LRBA: variants seen among roughly 807,000 people sequenced by gnomAD.
LRBA encodes lipopolysaccharide-responsive and beige-like anchor protein.
In LRBA, 176 loss-of-function variants were observed where a neutral mutation model predicts 330.0. That is an observed-to-expected ratio of 0.53 (90% CI 0.47 to 0.60). The LOEUF (loss-of-function observed/expected upper bound fraction) is 0.60. Among genes scored for constraint, LRBA ranks in the 20% least tolerant of loss-of-function variants. LRBA has a pLI of 0.00. For synonymous variants in LRBA, 1,230 were observed against 1,193.0 expected, an observed-to-expected ratio of 1.03 and a Z score of -0.64; for missense variants, 3,259 against 3,444.8, an observed-to-expected ratio of 0.95 and a Z score of 1.35.
At chr4:150,682,530 A>T (rs72959842) in intron 37 of LRBA, among the ~76,000 whole-genome samples, 9,297 of 152,254 alleles carry the variant, frequency 0.061, 874 homozygotes, top group African/African-American at 0.21. Flanking sequence ...CTTTGTAATA[A>T]ATATCACACG....
At chr4:150,408,363 C>A (rs751353520) in intron 47 of LRBA, among the ~76,000 whole-genome samples, 1 of 151,870 alleles carries the variant, frequency 6.6e-6, no homozygotes, top group East Asian at 1.9e-4. Flanking sequence ...TCTTGATAGA[C>A]CTATAAAAAC....
intron 34 of LRBA, among the ~76,000 whole-genome samples, chr4:150,778,556 T>C (rs1737738282): frequency 6.6e-6 from 1 of 152,138 alleles, no homozygotes; most frequent in Non-Finnish European, 1.5e-5. Context: ...GTAAAACATA[T>C]CTCCAGACAA....
intron 34 of LRBA, among the ~76,000 whole-genome samples, chr4:150,782,111 T>G (rs191429248): frequency 3.0e-4 from 46 of 152,238 alleles, no homozygotes; most frequent in Non-Finnish European, 6.2e-4. Context: ...TTTACCATGT[T>G]GCCCAGGCTG....
intron 37 of LRBA, among the ~76,000 whole-genome samples, chr4:150,642,193 C>T (rs984882300): frequency 6.6e-6 from 1 of 151,886 alleles, no homozygotes; most frequent in African/African-American, 2.4e-5. Context: ...CACAAGAATA[C>T]ATTCATATGT....
At chr4:150,967,340 CCCTATA>C (rs1402287608) in intron 2 of LRBA, among the ~76,000 whole-genome samples, 10 of 152,194 alleles carry the variant, frequency 6.6e-5, no homozygotes, top group Admixed American at 6.5e-4. Flanking sequence ...CCCATGTTGT[CCCTATA>C]CAATCCAGTC....
chr4:150,271,062 C>G (rs1032745818), intron 56 of LRBA, among the ~76,000 whole-genome samples: 1 of 152,096 alleles, frequency 6.6e-6, no homozygotes, highest in African/African-American at 2.4e-5. Context: ...GAGGGCAAGC[C>G]GAAGCAGGGT....
intron 37 of LRBA, among the ~76,000 whole-genome samples, chr4:150,625,945 G>T (rs1776813305): frequency 6.6e-6 from 1 of 151,626 alleles, no homozygotes; most frequent in African/African-American, 2.4e-5. Context: ...CCTGACCTCA[G>T]CCCCCCAAAG....
chr4:150,455,996 A>T (rs965806977), intron 44 of LRBA, among the ~76,000 whole-genome samples: 2 of 152,196 alleles, frequency 1.3e-5, no homozygotes, highest in African/African-American at 2.4e-5. Flanking sequence ...TGCAAATAAC[A>T]GTATCTCATT....
At position 150,265,538 on chromosome 4, in the gene LRBA, C is replaced by T. The variant is rs571910013; in HGVS notation, c.*184G>A. ...ACTACAGAACCCAGCAGCCAGTTTTCTGCTTTGCTAATCCCCCCCAAAAAA... is the reference window on the plus strand; with the variant it reads ...ACTACAGAACCCAGCAGCCAGTTTTTTGCTTTGCTAATCCCCCCCAAAAAA... On this transcript the variant is annotated 3_prime_UTR_variant, in exon 57 of 57. Transcript: ENST00000651943. 17 of 520,124 alleles carry T rather than the reference C, an allele frequency of 3.3e-5. No homozygotes were observed. In the East Asian group the frequency reaches 5.4e-4, roughly 16 times the overall value. 32.2% of individuals were successfully genotyped at this position (520,124 alleles called of 1,614,324 possible).
At chr4:150,863,466 A>G (rs1422965226) in intron 22 of LRBA, among the ~76,000 whole-genome samples, 2 of 152,168 alleles carry the variant, frequency 1.3e-5, no homozygotes, top group Non-Finnish European at 2.9e-5. Flanking sequence ...GTTCGAGACC[A>G]GCCTGGCCAA....
intron 22 of LRBA, among the ~76,000 whole-genome samples, chr4:150,867,090 C>A (rs1752802176): frequency 2.3e-5 from 3 of 131,076 alleles, no homozygotes; most frequent in South Asian, 2.6e-4. Context: ...ATATAAATAA[C>A]TAAACTTACT....
chr4:150,588,980 T>G lies in LRBA; in HGVS notation c.6194-796A>C, dbSNP rs1772460077. ...AGAACAGCATAATGTGTATTAGAGC[T>G]AAATATAAAATATGAACTAAAAATG... On this transcript the variant is annotated intron_variant, in intron 39 of 56. Transcript: ENST00000651943. Among the ~76,000 whole-genome samples, 4 of 151,700 alleles carry G rather than the reference T, an allele frequency of 2.6e-5. No individual in the cohort carries two copies. In the South Asian group the frequency reaches 8.3e-4, roughly 32 times the overall value.
chr4:150,330,339 A>G (rs1479155685), intron 48 of LRBA, among the ~76,000 whole-genome samples: 1 of 152,152 alleles, frequency 6.6e-6, no homozygotes, highest in Non-Finnish European at 1.5e-5. Flanking sequence ...AATCTTGTTA[A>G]ATAATATTAC....
At chr4:150,564,762 G>A (rs892672888) in intron 40 of LRBA, among the ~76,000 whole-genome samples, 1 of 152,148 alleles carries the variant, frequency 6.6e-6, no homozygotes, top group African/African-American at 2.4e-5. Context: ...TATGTATGTG[G>A]CTAACAAACA....
intron 28 of LRBA, among the ~76,000 whole-genome samples, chr4:150,834,549 G>A (rs1432630605): frequency 6.6e-6 from 1 of 152,138 alleles, no homozygotes; most frequent in Admixed American, 6.6e-5. Context: ...TCTCACTAGT[G>A]GCCTTAAAAC....
chr4:150,322,995 C>CTG (rs577818605), intron 49 of LRBA, among the ~76,000 whole-genome samples: 369 of 23,892 alleles, frequency 0.015, 9 homozygotes, highest in East Asian at 0.086. Flanking sequence ...GTGTGTGTCT[C>CTG]TGTGTGTGTG....
chr4:150,844,216 G>A lies in LRBA; in HGVS notation c.4462-9C>T. 2.8e-6 allele frequency: 4 copies of A among 1,437,254 alleles called. No individual in the cohort carries two copies. Among genetic ancestry groups the A allele is most frequent in the South Asian group, 1.3e-5 (1 of 78,930 alleles). 89.0% of individuals were successfully genotyped at this position (1,437,254 alleles called of 1,614,324 possible). ...ACAATGTCCACTGGGCTCTATTTAA[G>A]ATTAAAAAAAAATTGTATATATATA... On this transcript the variant is annotated splice_polypyrimidine_tract_variant and intron_variant, in intron 27 of 56. Coordinates refer to ENST00000651943, the MANE Select transcript of LRBA (RefSeq NM_001364905.1).
At chr4:150,954,009 C>A (rs1737205975) in intron 2 of LRBA, among the ~76,000 whole-genome samples, 2 of 138,334 alleles carry the variant, frequency 1.4e-5, no homozygotes, top group Non-Finnish European at 3.2e-5. Context: ...CTCTGACCGG[C>A]CACCCCGTCT....
intron 34 of LRBA, among the ~76,000 whole-genome samples, chr4:150,784,133 G>A (rs180939965): frequency 1.3e-5 from 2 of 152,262 alleles, no homozygotes; most frequent in Admixed American, 6.5e-5. Context: ...TATATCCAAG[G>A]TGATTTGATA....
Sources: allele counts gnomAD v4.1 joint callset (sites outside exome capture counted in the v4.1 genomes callset), GRCh38; gene constraint gnomAD v4.1.1; transcripts MANE v1.5; gene names NCBI Gene and HGNC (gene_info 2026-07-23, HGNC 2026-07-21).